The following RTL4 variants were observed in gnomAD, a reference collection of about 807,000 sequenced individuals.
RTL4 encodes retrotransposon Gag like 4.
RTL4 carries 4 observed loss-of-function variants against 5.3 expected under a neutral mutation model. The ratio of observed to expected loss-of-function variants is 0.75; its 90% CI spans 0.37 to 1.72. The LOEUF (loss-of-function observed/expected upper bound fraction) is 1.72, where lower values mean the gene tolerates loss of function less well. Ranked by LOEUF, RTL4 falls within the 40% of genes most tolerant of loss-of-function variation. The pLI is 0.04. For synonymous variants in RTL4, 98 were observed against 87.3 expected, an observed-to-expected ratio of 1.12 and a Z score of -0.68; for missense variants, 260 against 227.1, an observed-to-expected ratio of 1.14 and a Z score of -0.93.
chrX:112,371,736 A>G, the RTL4 span, among the ~76,000 whole-genome samples: 1 of 111,794 alleles, frequency 8.9e-6, no homozygotes, highest in South Asian at 3.7e-4. Flanking sequence ...TCTCATGTCC[A>G]TCTCTCTATT....
At chrX:112,408,984 G>C in the RTL4 span, among the ~76,000 whole-genome samples, 395 of 112,340 alleles carry the variant, frequency 3.5e-3, 1 homozygote, top group Non-Finnish European at 5.8e-3. Flanking sequence ...AAAGCTGAGA[G>C]ATATCATCAA....
chrX:112,330,768 T>A, the RTL4 span, among the ~76,000 whole-genome samples: 1 of 111,557 alleles, frequency 9.0e-6, no homozygotes, highest in Non-Finnish European at 1.9e-5. Flanking sequence ...ACTACAAGGC[T>A]ACAGTAACCA....
At chrX:112,419,054 A>C in the RTL4 span, among the ~76,000 whole-genome samples, 1 of 74,652 alleles carries the variant, frequency 1.3e-5, no homozygotes, top group Non-Finnish European at 2.6e-5. Flanking sequence ...ATATATATAT[A>C]TCTTATATAT....
the RTL4 span, among the ~76,000 whole-genome samples, chrX:112,401,518 A>G: frequency 8.9e-6 from 1 of 112,058 alleles, no homozygotes; most frequent in Non-Finnish European, 1.9e-5. Context: ...ATGCTGTGCC[A>G]CTAACTACCC....
the RTL4 span, among the ~76,000 whole-genome samples, chrX:112,312,390 G>A: frequency 1.8e-5 from 2 of 111,832 alleles, no homozygotes; most frequent in African/African-American, 6.5e-5. Context: ...TGCCAAATGA[G>A]GAGCAGAGCT....
At chrX:112,219,514 C>T in the RTL4 span, among the ~76,000 whole-genome samples, 1 of 112,233 alleles carries the variant, frequency 8.9e-6, no homozygotes, top group African/African-American at 3.2e-5. Context: ...CACCTCTCCT[C>T]TTTCAGGTAT....
chrX:112,145,012 T>C, the RTL4 span, among the ~76,000 whole-genome samples: 1 of 111,186 alleles, frequency 9.0e-6, no homozygotes, highest in Admixed American at 9.6e-5. Flanking sequence ...TCCTTTTTTT[T>C]TCCTGTAGCA....
the RTL4 span, among the ~76,000 whole-genome samples, chrX:112,324,182 A>G: frequency 8.9e-6 from 1 of 112,341 alleles, no homozygotes; most frequent in Non-Finnish European, 1.9e-5. Context: ...GAATCATACA[A>G]TATGTGGCCT....
chrX:112,394,845 T>C, the RTL4 span, among the ~76,000 whole-genome samples: 1 of 112,160 alleles, frequency 8.9e-6, no homozygotes, highest in East Asian at 2.8e-4. Flanking sequence ...CTTTTTATGG[T>C]TAGTATTAAA....
the RTL4 span, among the ~76,000 whole-genome samples, chrX:112,324,428 A>G: frequency 9.0e-6 from 1 of 111,686 alleles, no homozygotes; most frequent in East Asian, 2.8e-4. Flanking sequence ...AACCAATGCT[A>G]TATAGTTTTT....
At chrX:112,168,679 G>T in the RTL4 span, among the ~76,000 whole-genome samples, 28 of 111,893 alleles carry the variant, frequency 2.5e-4, no homozygotes, top group Non-Finnish European at 4.7e-4. Context: ...AACATCAGAA[G>T]GTTACCCTAT....
the RTL4 span, among the ~76,000 whole-genome samples, chrX:112,342,876 C>T: frequency 4.5e-5 from 5 of 111,597 alleles, no homozygotes; most frequent in African/African-American, 9.8e-5. Flanking sequence ...CCAAGGCGGG[C>T]GGATCACAGG....
the RTL4 span, among the ~76,000 whole-genome samples, chrX:112,440,539 A>G: frequency 8.9e-6 from 1 of 112,141 alleles, no homozygotes. Flanking sequence ...TTCTAAAAAC[A>G]TACAGTACCA....
the RTL4 span, among the ~76,000 whole-genome samples, chrX:112,127,479 A>C: frequency 8.9e-6 from 1 of 111,926 alleles, no homozygotes; most frequent in African/African-American, 3.2e-5. Flanking sequence ...TCACATGTTT[A>C]ATGGAGAAAG....
At chrX:112,166,509 A>T in the RTL4 span, among the ~76,000 whole-genome samples, 1 of 111,878 alleles carries the variant, frequency 8.9e-6, no homozygotes, top group African/African-American at 3.2e-5. Flanking sequence ...TGTGGGTGAG[A>T]ATAACTGCAA....
At chrX:112,328,023 G>C in the RTL4 span, among the ~76,000 whole-genome samples, 1 of 106,953 alleles carries the variant, frequency 9.3e-6, no homozygotes, top group South Asian at 4.2e-4. Context: ...ACATGGAAAG[G>C]AACAACCGGT....
chrX:112,349,296 C>T, the RTL4 span, among the ~76,000 whole-genome samples: 3 of 111,426 alleles, frequency 2.7e-5, no homozygotes, highest in South Asian at 7.6e-4. Context: ...TCCAATTGCA[C>T]GGCCCTTTTT....
the RTL4 span, among the ~76,000 whole-genome samples, chrX:112,336,423 C>T: frequency 8.9e-6 from 1 of 111,897 alleles, no homozygotes; most frequent in African/African-American, 3.2e-5. Context: ...CATTGCTCAA[C>T]ATCCTCCTAA....
the RTL4 span, among the ~76,000 whole-genome samples, chrX:112,215,333 T>C: frequency 4.5e-5 from 5 of 111,754 alleles, no homozygotes; most frequent in Non-Finnish European, 7.5e-5. Context: ...ATAATTTCCT[T>C]ACTGCACTAT....
Sources: allele counts gnomAD v4.1 joint callset (sites outside exome capture counted in the v4.1 genomes callset), GRCh38; gene constraint gnomAD v4.1.1; transcripts MANE v1.5; gene names NCBI Gene and HGNC (gene_info 2026-07-23, HGNC 2026-07-21).